Variants in CNTNAP5 observed in about 807,000 individuals in gnomAD.
The protein encoded by CNTNAP5 is contactin associated protein family member 5, also known as contactin-associated protein-like 5.
A neutral mutation model predicts 150.2 loss-of-function variants in CNTNAP5; 72 were observed. That is an observed-to-expected ratio of 0.48 (90% CI 0.40 to 0.58). The LOEUF is 0.58. CNTNAP5 is among the 20% of genes least tolerant of loss of function. The pLI is 0.00. For missense variants in CNTNAP5, 1,636 were observed against 1,626.2 expected (o/e 1.01, Z -0.10); for synonymous variants, 672 against 619.8 (o/e 1.08, Z -1.25).
At chr2:124,561,146 G>T (rs907383410) in intron 10 of CNTNAP5, among the ~76,000 whole-genome samples, 6 of 100,760 alleles carry the variant, frequency 6.0e-5, no homozygotes, top group Non-Finnish European at 9.7e-5. Context: ...TGGGGCAAAA[G>T]GAGGTGTGGA....
At position 124,497,388 on chromosome 2, in the gene CNTNAP5, C is replaced by T. The variant is rs369885736; in HGVS notation, c.1063-6904C>T. Among the ~76,000 whole-genome samples the T allele has an allele frequency of 1.5e-3, 231 of 152,250 alleles. 2 individuals carry two copies. The highest frequency in any genetic ancestry group is 5.5e-3 in the African/African-American group (228 of 41,540). ...TTAGCATAACCTATTGTCTATGCAG[C>T]CAACATAGGGTTGGCAAGTAATTCA... On this transcript the variant is annotated intron_variant, in intron 7 of 23. Transcript: ENST00000682447.
chr2:124,525,585 G>A (rs1694945885), intron 9 of CNTNAP5, among the ~76,000 whole-genome samples: 1 of 152,180 alleles, frequency 6.6e-6, no homozygotes, highest in Non-Finnish European at 1.5e-5. Context: ...AAATGCAAAA[G>A]GGATTTTGCA....
At chr2:124,445,909 G>C (rs1372084296) in intron 5 of CNTNAP5, among the ~76,000 whole-genome samples, 1 of 152,124 alleles carries the variant, frequency 6.6e-6, no homozygotes, top group East Asian at 1.9e-4. Flanking sequence ...TAATCTTTTT[G>C]GTAGAGGGGT....
intron 17 of CNTNAP5, among the ~76,000 whole-genome samples, chr2:124,782,995 A>C (rs1482181468): frequency 1.3e-5 from 2 of 152,194 alleles, no homozygotes; most frequent in Non-Finnish European, 2.9e-5. Context: ...AATGTCATCA[A>C]TACAATGCTA....
chr2:124,050,837 C>T (rs1156633884), intron 1 of CNTNAP5, among the ~76,000 whole-genome samples: 1 of 152,210 alleles, frequency 6.6e-6, no homozygotes, highest in Non-Finnish European at 1.5e-5. Context: ...ATACTCTGCT[C>T]AGGGCACTGG....
intron 1 of CNTNAP5, among the ~76,000 whole-genome samples, chr2:124,197,164 C>A (rs1280178244): frequency 1.3e-5 from 2 of 152,024 alleles, no homozygotes; most frequent in Non-Finnish European, 2.9e-5. Context: ...TATCTATATG[C>A]CTATGATCTC....
At chr2:124,390,136 A>G (rs1691072858) in intron 3 of CNTNAP5, among the ~76,000 whole-genome samples, 1 of 152,162 alleles carries the variant, frequency 6.6e-6, no homozygotes, top group Non-Finnish European at 1.5e-5. Flanking sequence ...GCATGAATCA[A>G]TCTTTCCATT....
At chr2:124,059,915 G>A (rs1247159563) in intron 1 of CNTNAP5, among the ~76,000 whole-genome samples, 1 of 152,092 alleles carries the variant, frequency 6.6e-6, no homozygotes. Context: ...TGAAAGGAAA[G>A]CAATGTTATG....
intron 1 of CNTNAP5, among the ~76,000 whole-genome samples, chr2:124,063,423 T>C (rs1191669313): frequency 6.6e-6 from 1 of 152,158 alleles, no homozygotes. Context: ...CTGATTTAAA[T>C]GATTTCAAAA....
At chr2:124,075,787 C>T (rs1682422692) in intron 1 of CNTNAP5, among the ~76,000 whole-genome samples, 1 of 152,108 alleles carries the variant, frequency 6.6e-6, no homozygotes, top group Non-Finnish European at 1.5e-5. Flanking sequence ...TGTGACTGGC[C>T]ACTGGTCATG....
intron 1 of CNTNAP5, among the ~76,000 whole-genome samples, chr2:124,046,922 G>T (rs1681554163): frequency 6.6e-6 from 1 of 152,102 alleles, no homozygotes; most frequent in Non-Finnish European, 1.5e-5. Context: ...TGAAAACATG[G>T]CCTTGAATGG....
At chr2:124,128,121 G>A (rs1429838491) in intron 1 of CNTNAP5, among the ~76,000 whole-genome samples, 2 of 152,064 alleles carry the variant, frequency 1.3e-5, no homozygotes, top group Non-Finnish European at 2.9e-5. Flanking sequence ...GAGTGAACAG[G>A]CAACCTACAG....
chr2:124,467,192 T>C (rs1359265820), intron 6 of CNTNAP5, among the ~76,000 whole-genome samples: 1 of 152,206 alleles, frequency 6.6e-6, no homozygotes, highest in Non-Finnish European at 1.5e-5. Context: ...TGGTCAATAG[T>C]GCCCTTATGT....
chr2:124,111,562 G>A (rs936183660), intron 1 of CNTNAP5, among the ~76,000 whole-genome samples: 2 of 151,982 alleles, frequency 1.3e-5, no homozygotes, highest in Non-Finnish European at 2.9e-5. Flanking sequence ...CCATACCACA[G>A]GCTTCATCAC....
At chr2:124,437,408 A>T (rs1573994636) in intron 5 of CNTNAP5, among the ~76,000 whole-genome samples, 1 of 152,198 alleles carries the variant, frequency 6.6e-6, no homozygotes, top group East Asian at 1.9e-4. Flanking sequence ...CAGATATGAA[A>T]TAGTAGACTC....
chr2:124,225,021 G>A (rs988702982), intron 2 of CNTNAP5, among the ~76,000 whole-genome samples: 5 of 152,022 alleles, frequency 3.3e-5, no homozygotes, highest in Non-Finnish European at 7.4e-5. Flanking sequence ...ATCCAAAAGA[G>A]CAAATTGTAC....
rs553493959 is a variant in CNTNAP5, at chr2:124,608,598, TC to T, written c.1757-1202del. On this transcript the variant is annotated intron_variant, in intron 11 of 23. Coordinates refer to ENST00000682447, the MANE Select transcript of CNTNAP5 (RefSeq NM_001367498.1). ...TTATTAAGTCAAAATAAACTGAACTTCGTTGTGCACTTACTACATGTTATGT... is the reference window on the plus strand; with the variant it reads ...TTATTAAGTCAAAATAAACTGAACTTGTTGTGCACTTACTACATGTTATGT... 1.4e-4 allele frequency among the ~76,000 whole-genome samples: 22 copies of T among 152,240 alleles called. No homozygotes were observed. The South Asian group carries it at 4.6e-3, about 32-fold the overall frequency.
At chr2:124,464,106 G>C (rs1002389048) in intron 6 of CNTNAP5, among the ~76,000 whole-genome samples, 4 of 152,116 alleles carry the variant, frequency 2.6e-5, no homozygotes, top group African/African-American at 9.7e-5. Context: ...GGTTGAACAA[G>C]AGAGACAAAA....
chr2:124,510,518 T>TATATACATACACACACAC (rs10641959), intron 8 of CNTNAP5, among the ~76,000 whole-genome samples: 11 of 124,898 alleles, frequency 8.8e-5, no homozygotes, highest in African/African-American at 2.9e-4. Context: ...TATATATATA[T>TATATACATACACACACAC]ACATATATCT....
Sources: gnomAD v4.1 joint callset for allele counts (sites outside exome capture counted in the v4.1 genomes callset) on GRCh38, gnomAD v4.1.1 for gene constraint, MANE v1.5 for transcripts, NCBI Gene and HGNC (gene_info 2026-07-23, HGNC 2026-07-21) for gene names.